XYLT1: variants seen among roughly 807,000 people sequenced by gnomAD.
The protein encoded by XYLT1 is beta-D-xylosyltransferase 1.
In XYLT1, 36 loss-of-function variants were observed where a neutral mutation model predicts 91.3. The ratio of observed to expected loss-of-function variants is 0.39; its 90% CI spans 0.30 to 0.52. The LOEUF is 0.52. XYLT1 is among the 20% of genes least tolerant of loss of function. The probability of loss-of-function intolerance (pLI) is 0.68; values close to 1 mark genes in which losing one functional copy is unlikely to be tolerated. For synonymous variants in XYLT1, 588 were observed against 532.0 expected (o/e 1.11, Z -1.45); for missense variants, 1,242 against 1,284.5 (o/e 0.97, Z 0.51).
At chr16:17,427,582 C>G (rs1012382578) in intron 1 of XYLT1, among the ~76,000 whole-genome samples, 9 of 152,174 alleles carry the variant, frequency 5.9e-5, no homozygotes, top group Non-Finnish European at 1.2e-4. Flanking sequence ...TCACTCCCAG[C>G]TTCAAGTTCT....
chr16:17,356,356 C>T (rs1307758148), intron 2 of XYLT1, among the ~76,000 whole-genome samples: 1 of 152,128 alleles, frequency 6.6e-6, no homozygotes, highest in African/African-American at 2.4e-5. Flanking sequence ...GCCAAACAGG[C>T]AGAGGAAACC....
chr16:17,138,776 C>CACA (rs1364980476), intron 7 of XYLT1: 2 of 450,624 alleles, frequency 4.4e-6, no homozygotes, highest in African/African-American at 3.9e-5. Flanking sequence ...AAATGTATAA[C>CACA]ACAACTACCT....
intron 2 of XYLT1, among the ~76,000 whole-genome samples, chr16:17,311,773 C>T (rs970327773): frequency 6.7e-6 from 1 of 148,534 alleles, no homozygotes; most frequent in African/African-American, 2.5e-5. Context: ...CTCACAGTTC[C>T]AAGTGGCTGG....
chr16:17,436,458 G>A (rs977664762), intron 1 of XYLT1, among the ~76,000 whole-genome samples: 1 of 152,208 alleles, frequency 6.6e-6, no homozygotes, highest in African/African-American at 2.4e-5. Flanking sequence ...CACTACCACC[G>A]TGGCTGGCAC....
intron 3 of XYLT1, among the ~76,000 whole-genome samples, chr16:17,219,296 A>AG (rs974533725): frequency 1.4e-5 from 2 of 137,962 alleles, no homozygotes; most frequent in South Asian, 2.1e-4. Flanking sequence ...AAAAAAAAAA[A>AG]AAAAAGAAAA....
intron 2 of XYLT1, among the ~76,000 whole-genome samples, chr16:17,300,195 T>C (rs74013004): frequency 5.6e-4 from 86 of 152,296 alleles, no homozygotes; most frequent in African/African-American, 1.8e-3. Context: ...CTTAGCTTTG[T>C]GGAGATATTT....
chr16:17,234,176 G>A (rs1296916778), intron 3 of XYLT1, among the ~76,000 whole-genome samples: 1 of 152,130 alleles, frequency 6.6e-6, no homozygotes, highest in East Asian at 1.9e-4. Flanking sequence ...TAGACTGGAG[G>A]GATGAAGTGA....
At position 17,343,903 on chromosome 16, in the gene XYLT1, T is replaced by C. The variant is rs538863033; in HGVS notation, c.402+14109A>G. Among the ~76,000 whole-genome samples, 25 of 152,226 alleles carry C rather than the reference T, an allele frequency of 1.6e-4. No individual in the cohort carries two copies. In the South Asian group the frequency reaches 5.2e-3, roughly 32 times the overall value. On this transcript the variant is annotated intron_variant, in intron 2 of 11. Coordinates refer to ENST00000261381, the MANE Select transcript of XYLT1 (RefSeq NM_022166.4). ...CATGAGGTCACTTGGAAGCAAAAAA[T>C]TAAAGCCCAATGACATTTACAGGGA...
intron 2 of XYLT1, among the ~76,000 whole-genome samples, chr16:17,306,612 T>C (rs957525647): frequency 2.0e-5 from 3 of 151,840 alleles, no homozygotes; most frequent in African/African-American, 2.4e-5. Flanking sequence ...AATTCCTCTA[T>C]ACGTGTGTGT....
At chr16:17,442,842 C>A (rs1376488697) in intron 1 of XYLT1, among the ~76,000 whole-genome samples, 1 of 152,118 alleles carries the variant, frequency 6.6e-6, no homozygotes, top group Non-Finnish European at 1.5e-5. Context: ...CATGGCTTAA[C>A]CTTCCTCCAA....
intron 5 of XYLT1, among the ~76,000 whole-genome samples, chr16:17,161,229 G>A (rs2031542369): frequency 6.6e-6 from 1 of 152,318 alleles, no homozygotes; most frequent in African/African-American, 2.4e-5. Flanking sequence ...GGGATGAATA[G>A]GCATTTAGCG....
intron 1 of XYLT1, among the ~76,000 whole-genome samples, chr16:17,364,138 C>T (rs2035417765): frequency 6.6e-6 from 1 of 152,164 alleles, no homozygotes; most frequent in East Asian, 1.9e-4. Context: ...GGGTACAATT[C>T]AGTCCATAAC....
chr16:17,162,270 T>C (rs2031573189), intron 5 of XYLT1, among the ~76,000 whole-genome samples: 1 of 151,822 alleles, frequency 6.6e-6, no homozygotes, highest in Admixed American at 6.6e-5. Flanking sequence ...ATTAGCCAGG[T>C]GTGGGCATGT....
Position 17,141,372 on chromosome 16 carries a change from G to A in XYLT1, c.1371-3C>T. On this transcript the variant is annotated splice_region_variant and splice_polypyrimidine_tract_variant and intron_variant, in intron 6 of 11. Transcript: ENST00000261381. ...CCAGGCCCTGCTTCCGAATGAACCTGGGAGGGAGAAAGCTGCCCTTAGCCC... is the reference window on the plus strand; with the variant it reads ...CCAGGCCCTGCTTCCGAATGAACCTAGGAGGGAGAAAGCTGCCCTTAGCCC... The A allele has an allele frequency of 6.2e-7, 1 of 1,613,472 alleles. No individual in the cohort carries two copies. The highest frequency in any genetic ancestry group is 8.5e-7 in the Non-Finnish European group (1 of 1,179,532).
At chr16:17,327,344 C>CTT (rs1555497778) in intron 2 of XYLT1, among the ~76,000 whole-genome samples, 2 of 145,528 alleles carry the variant, frequency 1.4e-5, no homozygotes, top group South Asian at 4.3e-4. Flanking sequence ...CAACAACTTC[C>CTT]TTTTCTTTTC....
rs114061130 is a variant in XYLT1, at chr16:17,423,951, A to T, written c.363+46483T>A. On this transcript the variant is annotated intron_variant, in intron 1 of 11. Transcript: ENST00000261381. ...GTGGTGACCCAGGAGCAATTCTCATAGTATAAGCAAGTCCTATAGCAAAAT... is the reference window on the plus strand; with the variant it reads ...GTGGTGACCCAGGAGCAATTCTCATTGTATAAGCAAGTCCTATAGCAAAAT... Among the ~76,000 whole-genome samples the T allele has an allele frequency of 3.9e-3, 587 of 152,306 alleles. 3 individuals are homozygous for T. The highest frequency in any genetic ancestry group is 0.014 in the African/African-American group (564 of 41,558).
intron 2 of XYLT1, among the ~76,000 whole-genome samples, chr16:17,346,754 C>T (rs1156310194): frequency 2.0e-5 from 3 of 152,070 alleles, no homozygotes; most frequent in Admixed American, 6.6e-5. Context: ...TCTTTGAGCC[C>T]GTTTTATAGC....
chr16:17,121,483 C>T (rs2030052909), intron 10 of XYLT1, among the ~76,000 whole-genome samples: 1 of 152,214 alleles, frequency 6.6e-6, no homozygotes, highest in Non-Finnish European at 1.5e-5. Context: ...AATTCAAATA[C>T]ATATTCAAAT....
At chr16:17,363,319 T>C (rs2035408167) in intron 1 of XYLT1, among the ~76,000 whole-genome samples, 2 of 152,186 alleles carry the variant, frequency 1.3e-5, no homozygotes, top group Admixed American at 1.3e-4. Flanking sequence ...CTGTATTCAT[T>C]TGCTAGGGCT....
Sources: gnomAD v4.1 joint callset for allele counts (sites outside exome capture counted in the v4.1 genomes callset) on GRCh38, gnomAD v4.1.1 for gene constraint, MANE v1.5 for transcripts, NCBI Gene and HGNC (gene_info 2026-07-23, HGNC 2026-07-21) for gene names.